RARB: variants seen among roughly 807,000 people sequenced by gnomAD.
RARB encodes the protein HBV-activated protein.
In RARB, 17 loss-of-function variants were observed where a neutral mutation model predicts 51.9. The observed-to-expected ratio is 0.33, with a 90% CI of 0.22 to 0.49. RARB has a LOEUF of 0.49. RARB is among the 20% of genes least tolerant of loss of function. The pLI, the probability that RARB is intolerant of heterozygous loss-of-function variation, is 0.99. For missense variants in RARB, 369 were observed against 550.8 expected (o/e 0.67, Z 3.30); for synonymous variants, 215 against 195.4 (o/e 1.10, Z -0.84).
intron 5 of RARB, among the ~76,000 whole-genome samples, chr3:25,373,677 G>A (rs541998211): frequency 3.5e-4 from 53 of 152,196 alleles, no homozygotes; most frequent in Non-Finnish European, 5.6e-4. Flanking sequence ...CTTCTACTCT[G>A]GTAATTAAAA....
At chr3:25,471,153 A>AAT (rs1695669363) in intron 2 of RARB, among the ~76,000 whole-genome samples, 1 of 152,232 alleles carries the variant, frequency 6.6e-6, no homozygotes, top group Non-Finnish European at 1.5e-5. Flanking sequence ...TCATGGAATT[A>AAT]TATATAAACA....
At chr3:25,106,900 A>ATT (rs35311413) in intron 3 of RARB, among the ~76,000 whole-genome samples, 2,154 of 150,216 alleles carry the variant, frequency 0.014, 47 homozygotes, top group African/African-American at 0.047. Flanking sequence ...TTCCTTCTGC[A>ATT]TTTTTTTTTG....
chr3:25,064,860 T>G (rs1698629381), intron 3 of RARB, among the ~76,000 whole-genome samples: 1 of 152,146 alleles, frequency 6.6e-6, no homozygotes. Flanking sequence ...GCCAAGGTAG[T>G]GATCAAATGT....
chr3:25,461,558 A>G (rs1695182887), intron 2 of RARB, among the ~76,000 whole-genome samples: 2 of 152,192 alleles, frequency 1.3e-5, no homozygotes, highest in Non-Finnish European at 2.9e-5. Context: ...AAAGGTTCTA[A>G]GGCCCTTAAA....
intron 3 of RARB, among the ~76,000 whole-genome samples, chr3:25,096,478 C>T (rs917649424): frequency 6.6e-6 from 1 of 152,136 alleles, no homozygotes; most frequent in African/African-American, 2.4e-5. Context: ...TTCTAAGATG[C>T]CTTATACACA....
In RARB at chr3:25,597,136, A is replaced by G. The variant is rs1701869316; in HGVS notation, c.*520A>G. 6.5e-6 allele frequency: 1 copy of G among 153,012 alleles called. No homozygotes were observed. Among genetic ancestry groups the G allele is most frequent in the Admixed American group, 6.5e-5 (1 of 15,372 alleles). 9.5% of individuals were successfully genotyped at this position (153,012 alleles called of 1,614,324 possible). A position where few individuals can be genotyped will look rare whatever the true frequency, so the allele number is the denominator to read the frequency against. On this transcript the variant is annotated 3_prime_UTR_variant, in exon 8 of 8. Transcript: ENST00000330688. ...GACATCAAGGTAAGGAAACAGGACT[A>G]TTGACAGGACTATTGTACAGTATGA...
chr3:24,946,187 C>T (rs1470928565), intron 2 of RARB, among the ~76,000 whole-genome samples: 2 of 150,632 alleles, frequency 1.3e-5, no homozygotes, highest in Non-Finnish European at 3.0e-5. Flanking sequence ...ATGGCGTGAA[C>T]CTGGAGGCAG....
At chr3:25,026,562 G>A (rs563057012) in intron 2 of RARB, among the ~76,000 whole-genome samples, 1 of 152,206 alleles carries the variant, frequency 6.6e-6, no homozygotes, top group African/African-American at 2.4e-5. Flanking sequence ...TTGGATTAGG[G>A]TCTACTCATA....
At chr3:25,138,685 T>C (rs557146805) in intron 4 of RARB, among the ~76,000 whole-genome samples, 1 of 152,260 alleles carries the variant, frequency 6.6e-6, no homozygotes, top group East Asian at 1.9e-4. Flanking sequence ...TGTATCTGCA[T>C]GGACAATTAT....
intron 3 of RARB, among the ~76,000 whole-genome samples, chr3:25,521,361 C>G (rs1435099827): frequency 1.3e-5 from 2 of 152,152 alleles, no homozygotes; most frequent in South Asian, 4.2e-4. Flanking sequence ...CAAGCATCAC[C>G]TCCCATCCAA....
chr3:25,067,621 T>C (rs1013601534), intron 3 of RARB, among the ~76,000 whole-genome samples: 1 of 152,238 alleles, frequency 6.6e-6, no homozygotes, highest in African/African-American at 2.4e-5. Flanking sequence ...TCCCTAGTCC[T>C]AGTACCATAC....
At chr3:24,875,860 T>C (rs1257125423) in intron 2 of RARB, among the ~76,000 whole-genome samples, 1 of 152,238 alleles carries the variant, frequency 6.6e-6, no homozygotes, top group Admixed American at 6.5e-5. Flanking sequence ...TTAGTTGTCA[T>C]GTTTTTATAG....
At chr3:25,214,675 A>T (rs1701777869) in intron 5 of RARB, among the ~76,000 whole-genome samples, 1 of 152,218 alleles carries the variant, frequency 6.6e-6, no homozygotes, top group African/African-American at 2.4e-5. Flanking sequence ...CAATTTACAC[A>T]GTTCCCAAGG....
chr3:24,878,714 GGGT>G (rs940105429), intron 2 of RARB, among the ~76,000 whole-genome samples: 7 of 152,172 alleles, frequency 4.6e-5, no homozygotes, highest in Middle Eastern at 3.4e-3. Context: ...TTGGAGTCGG[GGGT>G]GAAGTCTAAA....
At chr3:25,400,031 TATATATA>T (rs1449909704) in intron 5 of RARB, among the ~76,000 whole-genome samples, 1 of 152,210 alleles carries the variant, frequency 6.6e-6, no homozygotes, top group African/African-American at 2.4e-5. Flanking sequence ...AATGAGGTAA[TATATATA>T]ATATGCTTAG....
At chr3:25,356,825 C>T (rs752691992) in intron 5 of RARB, among the ~76,000 whole-genome samples, 1 of 152,154 alleles carries the variant, frequency 6.6e-6, no homozygotes, top group African/African-American at 2.4e-5. Context: ...TCATCCATGT[C>T]CCTGCAAAGA....
rs374213928 is a variant in RARB, at chr3:25,269,850, TTAAA to T, written c.178+95278_178+95281del. Among the ~76,000 whole-genome samples, 312 of 152,248 alleles carry T rather than the reference TTAAA, an allele frequency of 2.0e-3. 1 individual carries two copies. Among genetic ancestry groups the T allele is most frequent in the Middle Eastern group, 0.014 (4 of 294 alleles). The stretch of plus-strand genomic sequence containing the variant: ...TGTCATGTTTAAGTGGCCAAAGAAC[TTAAA>T]TAGACATGTATCTAAAGAAGACATA... On this transcript the variant is annotated intron_variant, in intron 5 of 11. Transcript: ENST00000383772.
chr3:25,228,217 GTTTT>G (rs55796125), intron 5 of RARB, among the ~76,000 whole-genome samples: 58 of 105,592 alleles, frequency 5.5e-4, no homozygotes, highest in South Asian at 1.8e-3. Flanking sequence ...GACTTTGAGG[GTTTT>G]TTTTTTTTTT....
intron 2 of RARB, among the ~76,000 whole-genome samples, chr3:25,471,688 G>A (rs1042110538): frequency 3.3e-5 from 5 of 151,826 alleles, no homozygotes; most frequent in Admixed American, 1.3e-4. Flanking sequence ...ATGGTTAAAC[G>A]TTCAGGAATG....
Sources: gnomAD v4.1 joint callset for allele counts (sites outside exome capture counted in the v4.1 genomes callset) on GRCh38, gnomAD v4.1.1 for gene constraint, MANE v1.5 for transcripts, NCBI Gene and HGNC (gene_info 2026-07-23, HGNC 2026-07-21) for gene names.